Variants in MATR3 observed in about 807,000 individuals in gnomAD.
The protein encoded by MATR3 is matrin-3.
MATR3 carries 4 observed loss-of-function variants against 85.5 expected under a neutral mutation model. The observed-to-expected ratio is 0.05, with a 90% CI of 0.02 to 0.11. The LOEUF (loss-of-function observed/expected upper bound fraction) is 0.11. MATR3 is among the 10% of genes least tolerant of loss of function. The pLI is 1.00. For synonymous variants in MATR3, 336 were observed against 343.1 expected (o/e 0.98, Z 0.23); for missense variants, 685 against 1,016.1 (o/e 0.67, Z 4.43).
At chr5:139,315,910 T>C in intron 4 of MATR3, 166 bp from the exon 5 acceptor site, 1 of 748,716 alleles carries the variant, frequency 1.3e-6, no homozygotes, top group East Asian at 2.7e-5. Context: ...ATGTAGTAAT[T>C]TGTATTCTTT....
intron 12 of MATR3, among the ~76,000 whole-genome samples, chr5:139,324,721 G>C (rs929879043): frequency 2.6e-5 from 4 of 152,124 alleles, no homozygotes; most frequent in African/African-American, 9.7e-5. Context: ...ACATTGCCTA[G>C]CAGCATTGTA....
chr5:139,297,937 C>G (rs1469379632), intron 1 of MATR3, among the ~76,000 whole-genome samples: 1 of 152,070 alleles, frequency 6.6e-6, no homozygotes, highest in East Asian at 1.9e-4. Flanking sequence ...GGGGAGCTTG[C>G]CTGTGGAGAA....
At chr5:139,289,204 A>G (rs1410954468), upstream of MATR3, among the ~76,000 whole-genome samples, 1 of 152,234 alleles carries the variant, frequency 6.6e-6, no homozygotes, top group Admixed American at 6.5e-5. Flanking sequence ...CCTTTGAAAA[A>G]CAGAAAATAA....
In MATR3 at chr5:139,309,935, A is replaced by C. The variant is rs1044050899; in HGVS notation, c.912+1608A>C. The C allele has an allele frequency of 2.0e-5, 3 of 152,296 alleles. 1 individual carries two copies. The highest frequency in any genetic ancestry group is 4.1e-4 in the South Asian group (2 of 4,830). The allele number at this position is 152,296 out of a possible 1,614,324, so 9.4% of individuals were successfully genotyped here. On this transcript the variant is annotated intron_variant, in intron 2 of 14. Transcript: ENST00000394805. ...ACCAATATTCTCAGAAAGGGTCTCT[A>C]AATTCTGAGGAAAATAGATAGTTAC... is the stretch of plus-strand genomic sequence containing the variant.
At chr5:139,290,227 G>A (rs957092966), upstream of MATR3, among the ~76,000 whole-genome samples, 2 of 151,378 alleles carry the variant, frequency 1.3e-5, no homozygotes, top group Admixed American at 6.6e-5. Flanking sequence ...TCAGGCTGGA[G>A]TGCAGTGGTG....
intron 1 of MATR3, among the ~76,000 whole-genome samples, chr5:139,302,379 AATGT>A (rs1754492670): frequency 6.6e-6 from 1 of 152,242 alleles, no homozygotes; most frequent in Non-Finnish European, 1.5e-5. Context: ...CTAGGAAAAA[AATGT>A]AGTTCTTCAG....
At chr5:139,319,238 T>C in intron 8 of MATR3, 96 bp from the exon 9 acceptor site, 1 of 1,398,140 alleles carries the variant, frequency 7.2e-7, no homozygotes, top group South Asian at 1.2e-5. Flanking sequence ...ACCTCGTCTC[T>C]ATAAAAATAA....
intron 14 of MATR3, among the ~76,000 whole-genome samples, chr5:139,328,332 T>G (rs1028735672): frequency 1.3e-5 from 2 of 152,222 alleles, no homozygotes; most frequent in African/African-American, 4.8e-5. Context: ...GGCTTTTAAT[T>G]CTTACTATTT....
At chr5:139,287,283 C>T (rs1017368273) in intron 3 of MATR3, among the ~76,000 whole-genome samples, 2 of 152,114 alleles carry the variant, frequency 1.3e-5, no homozygotes, top group Non-Finnish European at 2.9e-5. Flanking sequence ...GGAAAAGGTC[C>T]TCATTATAAT....
At chr5:139,315,579 A>T in intron 3 of MATR3, 118 bp from the exon 4 acceptor site, 1 of 697,342 alleles carries the variant, frequency 1.4e-6, no homozygotes, top group South Asian at 1.7e-5. Context: ...CTATGTTTCT[A>T]ACACTTAGAC....
At chr5:139,318,583 C>T (rs1202652135) in intron 7 of MATR3, among the ~76,000 whole-genome samples, 2 of 152,160 alleles carry the variant, frequency 1.3e-5, no homozygotes, top group African/African-American at 4.8e-5. Context: ...GCTGGGACTA[C>T]AGACGTCCAC....
intron 9 of MATR3, among the ~76,000 whole-genome samples, chr5:139,320,984 C>A (rs576635600): frequency 2.0e-5 from 3 of 150,814 alleles, no homozygotes; most frequent in Admixed American, 1.3e-4. Flanking sequence ...TCTCGATCCC[C>A]TGACCTTGTG....
rs1166585748 is a variant in MATR3, at chr5:139,330,797, C to G, written c.*1402C>G. The G allele has an allele frequency of 2.2e-6, 1 of 453,998 alleles. No homozygotes were observed. Among genetic ancestry groups the G allele is most frequent in the Non-Finnish European group, 4.4e-6 (1 of 226,766 alleles). 28.1% of individuals were successfully genotyped at this position (453,998 alleles called of 1,614,324 possible). On this transcript the variant is annotated 3_prime_UTR_variant, in exon 15 of 15. Transcript: ENST00000394805. The stretch of plus-strand genomic sequence containing the variant: ...GGTATATTGGATTATCTGTTGTAAA[C>G]AATTTTTTTTTCTTCCCTGACACAG...
chr5:139,304,083 A>G (rs1754591086), intron 1 of MATR3, among the ~76,000 whole-genome samples: 1 of 152,244 alleles, frequency 6.6e-6, no homozygotes, highest in East Asian at 1.9e-4. Context: ...GATGATACTC[A>G]GATTTGTTTA....
intron 1 of MATR3, among the ~76,000 whole-genome samples, chr5:139,295,987 C>G (rs963148874): frequency 1.3e-5 from 2 of 152,126 alleles, no homozygotes. Flanking sequence ...CCACACCAAG[C>G]TAATTTTTTG....
intron 1 of MATR3, among the ~76,000 whole-genome samples, chr5:139,298,545 G>A (rs1182621499): frequency 1.3e-5 from 2 of 152,142 alleles, no homozygotes; most frequent in Admixed American, 6.5e-5. Flanking sequence ...CTCCAAGGCT[G>A]GTGACAGAGC....
rs987998193 is a variant in MATR3, at chr5:139,322,697, A to T, written c.1878A>T (p.Glu626Asp). The T allele has an allele frequency of 1.9e-6, 3 of 1,614,200 alleles. No homozygotes were observed. The East Asian group carries it at 6.7e-5, about 36-fold the overall frequency. The stretch of plus-strand genomic sequence containing the variant: ...CTGAGAGTTCAACCGAAGGTAAAGA[A>T]CAAGAAGAGAAGTCCGGTGAAGATG... Reference protein sequence around the residue: ...QKTESSTEGKEQEEKSGEDGE... With the variant: ...QKTESSTEGKDQEEKSGEDGE... The change falls in exon 12 of 15, where the codon GAA becomes GAT. Residue 626 changes from glutamate (E) to aspartate (D), a missense_variant. By Grantham distance (45) the Glu-to-Asp change is conservative. Transcript: ENST00000394805.
In MATR3 at chr5:139,307,623, C is replaced by T; in HGVS notation, c.208C>T (p.His70Tyr). 2 of 1,614,140 alleles carry T rather than the reference C, an allele frequency of 1.2e-6. No individual in the cohort carries two copies. The highest frequency in any genetic ancestry group is 1.7e-6 in the Non-Finnish European group (2 of 1,180,028). ...TTCTTCATTGAATCAACAAGGAGCT[C>T]ATAGTGCACTGTCTTCTGCTAGTAC... ...MSSSLNQQGAHSALSSASTSS... is the reference protein window; with the variant it reads ...MSSSLNQQGAYSALSSASTSS... The change falls in exon 2 of 15, where the codon CAT (histidine) becomes TAT (tyrosine). Residue 70 changes from histidine to tyrosine, a missense_variant. His to Tyr is a moderately conservative substitution (Grantham distance 83). This residue lies in a region of MATR3 where 57 missense variants were observed against 68.6 expected (regional missense o/e 0.83). Transcript: ENST00000394805. The surrounding 1 kb of genome is among the most constrained non-coding windows in gnomAD (Gnocchi z 4.4).
intron 6 of MATR3, 41 bp from the exon 7 acceptor site, chr5:139,317,555 A>T (rs1755317641): frequency 6.2e-7 from 1 of 1,607,746 alleles, no homozygotes; most frequent in Non-Finnish European, 8.5e-7. Flanking sequence ...ATATTGCTTT[A>T]AAGAGACTTA....
Sources: gnomAD v4.1 joint callset for allele counts (sites outside exome capture counted in the v4.1 genomes callset) on GRCh38, gnomAD v4.1.1 for gene constraint, gnomAD v4.1.1 regional missense constraint, Gnocchi (gnomAD v3.1) non-coding constraint, MANE v1.5 for transcripts, NCBI Gene and HGNC (gene_info 2026-07-23, HGNC 2026-07-21) for gene names.